The following PTBP3 variants were observed in gnomAD, a reference collection of about 807,000 sequenced individuals.
PTBP3 encodes the protein polypyrimidine tract-binding protein 3.
In PTBP3, 20 loss-of-function variants were observed where a neutral mutation model predicts 58.7. The ratio of observed to expected loss-of-function variants is 0.34; its 90% confidence interval spans 0.24 to 0.50. PTBP3 has a LOEUF of 0.50. PTBP3 is among the 20% of genes least tolerant of loss of function. The probability of loss-of-function intolerance (pLI) is 0.98; values close to 1 mark genes in which losing one functional copy is unlikely to be tolerated. For missense variants in PTBP3, 509 were observed against 637.2 expected (o/e 0.80, Z 2.17); for synonymous variants, 185 against 219.8 (o/e 0.84, Z 1.40).
intron 5 of PTBP3, among the ~76,000 whole-genome samples, chr9:112,256,895 C>A (rs1263398204): frequency 6.6e-6 from 1 of 151,410 alleles, no homozygotes; most frequent in East Asian, 1.9e-4. Flanking sequence ...TTATTTTCAC[C>A]CCAAGGGAAG....
the PTBP3 span, among the ~76,000 whole-genome samples, chr9:112,350,584 G>C: frequency 1.3e-5 from 2 of 152,084 alleles, no homozygotes; most frequent in Admixed American, 1.3e-4. Context: ...AATTTCCGGG[G>C]AAGATGGTAG....
chr9:112,262,362 TA>T lies in PTBP3; in HGVS notation c.516+72del, dbSNP rs1253101798. The T allele has an allele frequency of 4.0e-6, 5 of 1,254,876 alleles. No individual in the cohort carries two copies. In the African/African-American group the frequency reaches 7.9e-5, roughly 20 times the overall value. The allele number at this position is 1,254,876 out of a possible 1,614,324, so 77.7% of individuals were successfully genotyped here. On this transcript the variant is annotated intron_variant, in intron 5 of 13. Coordinates refer to ENST00000374257, the MANE Select transcript of PTBP3 (RefSeq NM_001163788.4). Reference sequence around the variant, plus strand: ...AACAAAACCAATAAGCTAAACAACTTAGATATAAAACATCAAAAGTTTCAGA... The same window carrying T: ...AACAAAACCAATAAGCTAAACAACTTGATATAAAACATCAAAAGTTTCAGA...
intron 7 of PTBP3, among the ~76,000 whole-genome samples, chr9:112,247,265 CAAT>C (rs1239339737): frequency 5.4e-5 from 6 of 111,236 alleles, no homozygotes; most frequent in Admixed American, 3.2e-4. Flanking sequence ...GTCCCTGTTT[CAAT>C]AATAAATAAA....
chr9:112,291,532 G>C (rs1337253411), intron 2 of PTBP3, among the ~76,000 whole-genome samples: 1 of 152,108 alleles, frequency 6.6e-6, no homozygotes, highest in Non-Finnish European at 1.5e-5. Context: ...TAGACCAATG[G>C]AACAGATTAG....
At chr9:112,319,556 A>G (rs951327534) in intron 1 of PTBP3, among the ~76,000 whole-genome samples, 8 of 152,138 alleles carry the variant, frequency 5.3e-5, no homozygotes, top group Non-Finnish European at 8.8e-5. Flanking sequence ...AAAAAAAGAA[A>G]CCCTTGTACA....
the PTBP3 span, among the ~76,000 whole-genome samples, chr9:112,346,007 C>T: frequency 6.6e-6 from 1 of 151,786 alleles, no homozygotes; most frequent in Admixed American, 6.6e-5. Context: ...AGGTGCCCGC[C>T]ATCATGCCCA....
chr9:112,252,213 A>G (rs1836152944), intron 6 of PTBP3: 1 of 154,406 alleles, frequency 6.5e-6, no homozygotes, highest in Non-Finnish European at 1.4e-5. Context: ...ATACAGCTGC[A>G]AAAATGGTGA....
chr9:112,266,323 A>ATAAG (rs1227928772), intron 4 of PTBP3, among the ~76,000 whole-genome samples: 1 of 152,242 alleles, frequency 6.6e-6, no homozygotes, highest in African/African-American at 2.4e-5. Flanking sequence ...AGAAATCAGT[A>ATAAG]TAAGTATTTT....
At chr9:112,230,963 T>TGTAGACAATAATAA (rs547407546) in intron 10 of PTBP3, among the ~76,000 whole-genome samples, 1 of 151,280 alleles carries the variant, frequency 6.6e-6, no homozygotes, top group Admixed American at 6.6e-5. Flanking sequence ...ATTTTGACCC[T>TGTAGACAATAATAA]ACGCAGCTGT....
At chr9:112,372,802 T>C in the PTBP3 span, among the ~76,000 whole-genome samples, 1 of 152,230 alleles carries the variant, frequency 6.6e-6, no homozygotes, top group African/African-American at 2.4e-5. Flanking sequence ...ATTGTGTTTA[T>C]CCATTCATTA....
chr9:112,317,776 G>A (rs1279999121), intron 1 of PTBP3, among the ~76,000 whole-genome samples: 1 of 152,006 alleles, frequency 6.6e-6, no homozygotes, highest in South Asian at 2.1e-4. Flanking sequence ...GTGAAACCTT[G>A]TCTCTACTAA....
chr9:112,339,860 C>T, the PTBP3 span, among the ~76,000 whole-genome samples: 1 of 152,148 alleles, frequency 6.6e-6, no homozygotes, highest in Non-Finnish European at 1.5e-5. Context: ...GACACCATGC[C>T]CTGCCTGCCC....
At chr9:112,353,171 G>A in the PTBP3 span, among the ~76,000 whole-genome samples, 267 of 152,032 alleles carry the variant, frequency 1.8e-3, no homozygotes, top group Middle Eastern at 0.01. Context: ...AAAGTGCTGG[G>A]ACTACAGGCG....
At chr9:112,284,832 G>A (rs984770649) in intron 2 of PTBP3, among the ~76,000 whole-genome samples, 3 of 129,730 alleles carry the variant, frequency 2.3e-5, no homozygotes, top group Non-Finnish European at 4.8e-5. Flanking sequence ...TGGAATGGGA[G>A]CATTCATCCA....
intron 7 of PTBP3, among the ~76,000 whole-genome samples, chr9:112,237,363 G>A (rs562280991): frequency 6.6e-6 from 1 of 152,236 alleles, no homozygotes; most frequent in South Asian, 2.1e-4. Context: ...AAATGTTTCA[G>A]ATCCGAATAA....
intron 2 of PTBP3, among the ~76,000 whole-genome samples, chr9:112,280,757 C>G (rs1564429971): frequency 2.9e-5 from 2 of 69,686 alleles, no homozygotes; most frequent in African/African-American, 7.5e-5. Context: ...ACGTGTGTGT[C>G]TGTGTGTGTA....
the PTBP3 span, among the ~76,000 whole-genome samples, chr9:112,340,715 A>G: frequency 6.6e-6 from 1 of 151,932 alleles, no homozygotes; most frequent in Non-Finnish European, 1.5e-5. Flanking sequence ...CCCCGTCTCT[A>G]CTAAAAGCAC....
At chr9:112,361,662 T>C in the PTBP3 span, among the ~76,000 whole-genome samples, 3 of 152,236 alleles carry the variant, frequency 2.0e-5, no homozygotes, top group Non-Finnish European at 4.4e-5. Context: ...TTTGTGGCAT[T>C]ATACAATTTT....
chr9:112,354,928 C>T, the PTBP3 span, among the ~76,000 whole-genome samples: 1 of 152,108 alleles, frequency 6.6e-6, no homozygotes, highest in African/African-American at 2.4e-5. Flanking sequence ...TCTTTCTCAG[C>T]GTGGAAAACG....
Sources: gnomAD v4.1 joint callset for allele counts (sites outside exome capture counted in the v4.1 genomes callset) on GRCh38, gnomAD v4.1.1 for gene constraint, MANE v1.5 for transcripts, NCBI Gene and HGNC (gene_info 2026-07-23, HGNC 2026-07-21) for gene names.